Variants in CSNK1A1 observed in about 807,000 individuals in gnomAD.
CSNK1A1 encodes the protein casein kinase 1 alpha 1.
CSNK1A1 carries 7 observed loss-of-function variants against 46.1 expected under a neutral mutation model. The observed-to-expected ratio is 0.15, with a 90% CI of 0.09 to 0.29. The LOEUF is 0.29. Among genes scored for constraint, CSNK1A1 ranks in the 10% least tolerant of loss-of-function variants. The pLI, the probability that CSNK1A1 is intolerant of heterozygous loss-of-function variation, is 1.00. For synonymous variants in CSNK1A1, 137 were observed against 141.5 expected (o/e 0.97, Z 0.23); for missense variants, 96 against 417.1 (o/e 0.23, Z 6.71).
intron 2 of CSNK1A1, among the ~76,000 whole-genome samples, chr5:149,536,022 C>G (rs1762051971): frequency 6.6e-6 from 1 of 151,620 alleles, no homozygotes; most frequent in African/African-American, 2.4e-5. Context: ...GGCATGATCT[C>G]AGCTCACCAC....
intron 8 of CSNK1A1, among the ~76,000 whole-genome samples, chr5:149,506,103 T>C (rs1219320535): frequency 6.6e-6 from 1 of 151,734 alleles, no homozygotes; most frequent in Non-Finnish European, 1.5e-5. Context: ...ATTTTTGTAT[T>C]TGTAGCAGAG....
At chr5:149,547,851 C>CT (rs1419308242) in intron 2 of CSNK1A1, among the ~76,000 whole-genome samples, 1 of 151,238 alleles carries the variant, frequency 6.6e-6, no homozygotes, top group Admixed American at 6.6e-5. Context: ...AGCATTGGAA[C>CT]TTTGTTTTTT....
intron 9 of CSNK1A1, among the ~76,000 whole-genome samples, chr5:149,499,907 G>A (rs1760768862): frequency 6.7e-6 from 1 of 149,928 alleles, no homozygotes; most frequent in Non-Finnish European, 1.5e-5. Context: ...TATTAATTAT[G>A]CTATGTCATT....
intron 2 of CSNK1A1, among the ~76,000 whole-genome samples, chr5:149,536,521 G>C (rs1478315230): frequency 6.6e-6 from 1 of 152,094 alleles, no homozygotes; most frequent in Non-Finnish European, 1.5e-5. Flanking sequence ...AGAAAACAAT[G>C]AACATTCCAA....
intron 2 of CSNK1A1, among the ~76,000 whole-genome samples, chr5:149,540,993 T>A (rs1033497625): frequency 6.6e-6 from 1 of 151,800 alleles, no homozygotes; most frequent in Non-Finnish European, 1.5e-5. Context: ...GCAAGGAGAA[T>A]CACTTGAACC....
chr5:149,524,648 T>C (rs1761674427), intron 3 of CSNK1A1, among the ~76,000 whole-genome samples: 1 of 152,152 alleles, frequency 6.6e-6, no homozygotes, highest in African/African-American at 2.4e-5. Flanking sequence ...TCCTCAAAAA[T>C]ATAGCTTTTC....
intron 2 of CSNK1A1, chr5:149,545,635 G>T (rs1580866527): frequency 1.1e-6 from 1 of 888,382 alleles, no homozygotes; most frequent in Non-Finnish European, 1.8e-6. Context: ...GGCCCTGCTA[G>T]CCTCAGCAAG....
At chr5:149,502,929 T>G in intron 9 of CSNK1A1, 1 of 599,464 alleles carries the variant, frequency 1.7e-6, no homozygotes, top group Non-Finnish European at 2.1e-6. Flanking sequence ...CCACCACACC[T>G]GGCTAATTTT....
rs1427174299 is a variant in CSNK1A1, at chr5:149,545,116, A to AG, written c.230+4958dup. Among the ~76,000 whole-genome samples, 423 of 148,332 alleles carry AG rather than the reference A, an allele frequency of 2.9e-3. 2 individuals carry two copies. The highest frequency in any genetic ancestry group is 0.01 in the African/African-American group (410 of 40,678). On this transcript the variant is annotated intron_variant, in intron 2 of 9. Coordinates refer to ENST00000377843, the MANE Select transcript of CSNK1A1 (RefSeq NM_001892.6). ...GACTCCATCTCAAAAAAAAAAAAAA[A>AG]GTTACACTTGGATTCCTGACTGTGG...
chr5:149,541,970 C>CAAAAAA (rs1171466150), intron 2 of CSNK1A1, among the ~76,000 whole-genome samples: 13 of 40,028 alleles, frequency 3.2e-4, no homozygotes, highest in South Asian at 1.4e-3. Context: ...GACTGCATCT[C>CAAAAAA]AAAAAAAAAA....
chr5:149,518,953 G>A (rs537481792), intron 4 of CSNK1A1, among the ~76,000 whole-genome samples: 1 of 152,116 alleles, frequency 6.6e-6, no homozygotes, highest in East Asian at 1.9e-4. Context: ...CTGGGAAATG[G>A]CCAAGAAGAT....
intron 4 of CSNK1A1, among the ~76,000 whole-genome samples, chr5:149,518,224 A>T (rs1306661596): frequency 1.3e-5 from 2 of 152,034 alleles, no homozygotes; most frequent in Non-Finnish European, 2.9e-5. Context: ...CCCCAAAAAA[A>T]TATTGTACGG....
rs532836458 is a variant in CSNK1A1, at chr5:149,511,887, G to A, written c.597-15C>T. 3.7e-5 allele frequency: 58 copies of A among 1,579,004 alleles called. No individual in the cohort carries two copies. Among genetic ancestry groups the A allele is most frequent in the East Asian group, 3.4e-4 (15 of 44,304 alleles). On this transcript the variant is annotated splice_polypyrimidine_tract_variant and intron_variant, in intron 5 of 9. Coordinates refer to ENST00000377843, the MANE Select transcript of CSNK1A1 (RefSeq NM_001892.6). ...CATCTCGGCGACTAGAAAAGAGAAC[G>A]TAATTTTATAAACTGGAACTATTAT...
At chr5:149,501,796 C>T (rs970343485) in intron 9 of CSNK1A1, 93 of 980,168 alleles carry the variant, frequency 9.5e-5, no homozygotes, top group Non-Finnish European at 1.1e-4. Context: ...AAAAATATTT[C>T]ATTTTCCTTT....
Position 149,513,061 on chromosome 5 carries a change from C to T in CSNK1A1, c.596+9G>A, listed in dbSNP as rs776301927. On this transcript the variant is annotated intron_variant, in intron 5 of 9. Transcript: ENST00000377843. ...GGCTATGATAAGCACATTCCATTTTCGAACTTACCTCTGCTCAATACCAAG... is the reference window on the plus strand; with the variant it reads ...GGCTATGATAAGCACATTCCATTTTTGAACTTACCTCTGCTCAATACCAAG... 5 of 1,612,792 alleles carry T rather than the reference C, an allele frequency of 3.1e-6. No individual in the cohort carries two copies. The highest frequency in any genetic ancestry group is 2.7e-5 in the African/African-American group (2 of 74,862).
chr5:149,496,884 A>C, intron 9 of CSNK1A1, 24 bp from the exon 10 acceptor site: 1 of 1,538,220 alleles, frequency 6.5e-7, no homozygotes, highest in Non-Finnish European at 8.7e-7. Context: ...AAAACAAAAA[A>C]AAAGTTAAAA....
Position 149,513,746 on chromosome 5 carries a change from C to G in CSNK1A1, c.457-537G>C, listed in dbSNP as rs569181438. 2.0e-5 allele frequency among the ~76,000 whole-genome samples: 3 copies of G among 152,108 alleles called. No homozygotes were observed. In the South Asian group the frequency reaches 6.2e-4, roughly 32 times the overall value. ...CAAAGTCCCACCTCTACAAAAAATA[C>G]AAAAATAGCCGGGCATGGTGGCACA... On this transcript the variant is annotated intron_variant, in intron 4 of 9. Coordinates refer to ENST00000377843, the MANE Select transcript of CSNK1A1 (RefSeq NM_001892.6).
rs772093452 is a variant in CSNK1A1 at position 149,520,407 on chromosome 5, A to C, written c.358-19T>G. ...TGATCATCTGGAAAAAAAAGAAGGG[A>C]GAGATAATTGAGTTAAGTAGTAAAT... On this transcript the variant is annotated intron_variant, in intron 3 of 9. Coordinates refer to ENST00000377843, the MANE Select transcript of CSNK1A1 (RefSeq NM_001892.6). 3.6e-6 allele frequency: 5 copies of C among 1,407,300 alleles called. No individual in the cohort carries two copies. The highest frequency in any genetic ancestry group is 5.0e-6 in the Non-Finnish European group (5 of 997,572). 87.2% of individuals were successfully genotyped at this position (1,407,300 alleles called of 1,614,324 possible). A position where few individuals can be genotyped will look rare whatever the true frequency, so the allele number is the denominator to read the frequency against.
In CSNK1A1 at chr5:149,494,731, T is replaced by C. The variant is rs911506646; in HGVS notation, c.*2122A>G. Reference sequence around the variant, plus strand: ...GCTCCAGCTGCAGATGGAATGACGATATACCAGGACAAAAAACACCTATAT... The same window carrying C: ...GCTCCAGCTGCAGATGGAATGACGACATACCAGGACAAAAAACACCTATAT... On this transcript the variant is annotated 3_prime_UTR_variant, in exon 10 of 10. Transcript: ENST00000377843. 6.6e-6 allele frequency: 1 copy of C among 152,200 alleles called. No individual in the cohort carries two copies. The highest frequency in any genetic ancestry group is 1.5e-5 in the Non-Finnish European group (1 of 68,038). 9.4% of individuals were successfully genotyped at this position (152,200 alleles called of 1,614,324 possible). A position where few individuals can be genotyped will look rare whatever the true frequency, so the allele number is the denominator to read the frequency against.
Sources: allele counts gnomAD v4.1 joint callset (sites outside exome capture counted in the v4.1 genomes callset), GRCh38; gene constraint gnomAD v4.1.1; transcripts MANE v1.5; gene names NCBI Gene and HGNC (gene_info 2026-07-23, HGNC 2026-07-21).